The following DLEU7 variants were observed in gnomAD, a reference collection of about 807,000 sequenced individuals.
The protein encoded by DLEU7 is leukemia-associated protein 7.
DLEU7 carries 17 observed loss-of-function variants against 16.0 expected under a neutral mutation model. The ratio of observed to expected loss-of-function variants is 1.06; its 90% CI spans 0.73 to 1.59. The LOEUF is 1.59. DLEU7 is among the 40% of genes most tolerant of loss of function. The pLI, the probability that DLEU7 is intolerant of heterozygous loss-of-function variation, is 0.00. For synonymous variants in DLEU7, 113 were observed against 139.8 expected, an observed-to-expected ratio of 0.81 and a Z score of 1.35; for missense variants, 308 against 314.9, an observed-to-expected ratio of 0.98 and a Z score of 0.17.
At chr13:50,742,920 G>A (rs992080577) in intron 1 of DLEU7, among the ~76,000 whole-genome samples, 5 of 152,136 alleles carry the variant, frequency 3.3e-5, no homozygotes, top group Admixed American at 1.3e-4. Flanking sequence ...CGTGGGATGA[G>A]AAAGAGTCTA....
intron 1 of DLEU7, among the ~76,000 whole-genome samples, chr13:50,762,148 A>T (rs1194968802): frequency 6.9e-6 from 1 of 144,748 alleles, no homozygotes. Flanking sequence ...CCAAGATCGC[A>T]CCACTGCACT....
chr13:50,716,914 A>G (rs1873454715), intron 1 of DLEU7, among the ~76,000 whole-genome samples: 1 of 152,204 alleles, frequency 6.6e-6, no homozygotes. Context: ...AAGGAGGCAG[A>G]CTTATTTTTC....
intron 1 of DLEU7, among the ~76,000 whole-genome samples, chr13:50,788,546 T>G (rs544115521): frequency 1.4e-4 from 21 of 152,236 alleles, no homozygotes; most frequent in African/African-American, 5.1e-4. Context: ...CATCTCCAAC[T>G]CCAGGGCTTC....
At chr13:50,772,992 T>G (rs1875368628) in intron 1 of DLEU7, among the ~76,000 whole-genome samples, 8 of 152,190 alleles carry the variant, frequency 5.3e-5, no homozygotes. Flanking sequence ...TCTAAACTTC[T>G]CTTCTCGCTT....
In DLEU7 at chr13:50,766,067, C is replaced by A. The variant is rs76614978; in HGVS notation, c.460-52827G>T. Among the ~76,000 whole-genome samples, 626 of 152,230 alleles carry A rather than the reference C, an allele frequency of 4.1e-3. 5 individuals are homozygous for A. Among genetic ancestry groups the A allele is most frequent in the African/African-American group, 0.014 (596 of 41,546 alleles). ...AGAGAAAAGGATGCGTGTAGCTTTGCCTCAGCAAGTTTCATTCCCCTTCCA... is the reference window on the plus strand; with the variant it reads ...AGAGAAAAGGATGCGTGTAGCTTTGACTCAGCAAGTTTCATTCCCCTTCCA... On this transcript the variant is annotated intron_variant, in intron 1 of 1. Transcript: ENST00000400393.
intron 1 of DLEU7, among the ~76,000 whole-genome samples, chr13:50,835,575 G>A (rs1229480013): frequency 3.3e-5 from 5 of 152,190 alleles, no homozygotes; most frequent in Non-Finnish European, 7.3e-5. Flanking sequence ...GTAATTGAGA[G>A]AGCTTGGCTA....
intron 1 of DLEU7, among the ~76,000 whole-genome samples, chr13:50,842,504 G>A (rs1593420959): frequency 2.6e-5 from 4 of 152,128 alleles, no homozygotes; most frequent in African/African-American, 7.2e-5. Flanking sequence ...CTCCCTTCCC[G>A]GGCTAAATTG....
At chr13:50,766,946 T>C (rs1875131364) in intron 1 of DLEU7, among the ~76,000 whole-genome samples, 2 of 152,120 alleles carry the variant, frequency 1.3e-5, no homozygotes, top group Admixed American at 6.5e-5. Context: ...CCTGGGTCTG[T>C]GTCCTGGTTT....
chr13:50,803,469 C>T (rs1012223778), intron 1 of DLEU7, among the ~76,000 whole-genome samples: 1 of 152,040 alleles, frequency 6.6e-6, no homozygotes, highest in African/African-American at 2.4e-5. Context: ...TAAAGTGTGT[C>T]AAATATGGTA....
downstream of DLEU7, chr13:50,822,703 T>C (rs2137801362): frequency 2.0e-6 from 2 of 985,334 alleles, no homozygotes; most frequent in Non-Finnish European, 1.2e-6. Context: ...TAGCTCACTA[T>C]CACTTTAAGT....
intron 1 of DLEU7, among the ~76,000 whole-genome samples, chr13:50,754,603 T>G (rs1007772713): frequency 6.6e-6 from 1 of 152,220 alleles, no homozygotes; most frequent in Non-Finnish European, 1.5e-5. Flanking sequence ...AGCAGATAGT[T>G]GGTCAGTGAG....
chr13:50,822,510 C>T, downstream of DLEU7: 1 of 509,278 alleles, frequency 2.0e-6, no homozygotes, highest in Non-Finnish European at 2.5e-6. Flanking sequence ...AAAAAAATCA[C>T]CTTCTCTCTT....
At chr13:50,841,405 T>A (rs1038169556) in intron 1 of DLEU7, among the ~76,000 whole-genome samples, 2 of 152,194 alleles carry the variant, frequency 1.3e-5, no homozygotes, top group Non-Finnish European at 1.5e-5. Flanking sequence ...ATTTTTTTTT[T>A]AAAGGCTGCC....
In DLEU7 at chr13:50,826,005, C is replaced by T. The variant is rs375765888; in HGVS notation, c.460-2485G>A. ...GGTATATCTCCTAATGCTATCCCTC[C>T]CCCCTCCCCCGACCCCACGACAGGC... On this transcript the variant is annotated intron_variant, in intron 1 of 1. Transcript: ENST00000504404. Among the ~76,000 whole-genome samples, 13 of 130,702 alleles carry T rather than the reference C, an allele frequency of 9.9e-5. 1 individual carries two copies. In the South Asian group the frequency reaches 3.3e-3, roughly 33 times the overall value. The allele number at this position is 130,702 out of a possible 152,430, so 85.7% of individuals were successfully genotyped here. A position where few individuals can be genotyped will look rare whatever the true frequency, so the allele number is the denominator to read the frequency against.
intron 1 of DLEU7, among the ~76,000 whole-genome samples, chr13:50,730,023 G>A (rs557700621): frequency 2.0e-5 from 3 of 151,926 alleles, no homozygotes; most frequent in Non-Finnish European, 4.4e-5. Context: ...TCTTACAATA[G>A]AGTAAGCTAG....
chr13:50,797,429 G>A (rs748567117), intron 1 of DLEU7, among the ~76,000 whole-genome samples: 2 of 152,154 alleles, frequency 1.3e-5, no homozygotes, highest in Non-Finnish European at 2.9e-5. Context: ...GCACTTTAAA[G>A]CTTCAATCAC....
At chr13:50,812,291 G>A (rs986568053) in intron 1 of DLEU7, among the ~76,000 whole-genome samples, 3 of 152,116 alleles carry the variant, frequency 2.0e-5, no homozygotes, top group African/African-American at 7.2e-5. Flanking sequence ...TCAGACCTGA[G>A]GGGCCCCCGT....
intron 1 of DLEU7, among the ~76,000 whole-genome samples, chr13:50,750,269 T>C (rs1810941789): frequency 1.3e-5 from 2 of 152,192 alleles, no homozygotes; most frequent in South Asian, 2.1e-4. Flanking sequence ...ATTTCTAGGT[T>C]CTCTATTCTA....
chr13:50,741,116 A>G (rs940768746), intron 1 of DLEU7, among the ~76,000 whole-genome samples: 4 of 152,306 alleles, frequency 2.6e-5, no homozygotes, highest in African/African-American at 9.6e-5. Flanking sequence ...ACGTATTTCT[A>G]CTGTATTAGG....
Sources: allele counts gnomAD v4.1 joint callset (sites outside exome capture counted in the v4.1 genomes callset), GRCh38; gene constraint gnomAD v4.1.1; transcripts MANE v1.5; gene names NCBI Gene and HGNC (gene_info 2026-07-23, HGNC 2026-07-21).